MBD5: variants seen among roughly 807,000 people sequenced by gnomAD.
MBD5 encodes the protein methyl-CpG-binding domain protein 5.
Under a neutral mutation model 117.3 loss-of-function variants are expected in MBD5, and 13 were observed. The ratio of observed to expected loss-of-function variants is 0.11; its 90% CI spans 0.07 to 0.18. The LOEUF (loss-of-function observed/expected upper bound fraction) is 0.18, where lower values mean the gene tolerates loss of function less well. MBD5 is among the 10% of genes least tolerant of loss of function. The pLI, the probability that MBD5 is intolerant of heterozygous loss-of-function variation, is 1.00. For missense variants in MBD5, 1,879 were observed against 2,093.8 expected (o/e 0.90, Z 2.00); for synonymous variants, 727 against 766.4 (o/e 0.95, Z 0.85).
At chr2:148,465,135 C>T (rs991817106) in intron 7 of MBD5, among the ~76,000 whole-genome samples, 1 of 152,092 alleles carries the variant, frequency 6.6e-6, no homozygotes, top group Non-Finnish European at 1.5e-5. Context: ...CGATGTTCCT[C>T]AGTTTGGATT....
At chr2:148,234,630 T>C (rs574394618) in intron 3 of MBD5, among the ~76,000 whole-genome samples, 1 of 152,304 alleles carries the variant, frequency 6.6e-6, no homozygotes, top group East Asian at 1.9e-4. Context: ...ATCCACTGGC[T>C]GTTTTCTGGC....
rs1452238869 is a variant in MBD5, at chr2:148,469,126, A to G, written c.1183A>G (p.Ser395Gly). ...VHSQVPMMNV[S>G]MPPAVVPLPS... is the part of the protein sequence containing the mutation. ...CTCTCAGGTACCTATGATGAATGTAAGCATGCCTCCTGCTGTTGTTCCTTT... is the reference window on the plus strand; with the variant it reads ...CTCTCAGGTACCTATGATGAATGTAGGCATGCCTCCTGCTGTTGTTCCTTT... Residue 395 changes from serine (S) to glycine (G), a missense_variant, in exon 8 of 14, where the codon AGC (serine) becomes GGC (glycine). Transcript: ENST00000642680. 2.5e-6 allele frequency: 4 copies of G among 1,614,086 alleles called. No homozygotes were observed. Among genetic ancestry groups the G allele is most frequent in the Non-Finnish European group, 3.4e-6 (4 of 1,179,998 alleles).
Position 148,117,715 on chromosome 2 carries a change from TTAAG to T in MBD5, c.-924-60982_-924-60979del, listed in dbSNP as rs1299064007. Among the ~76,000 whole-genome samples the T allele has an allele frequency of 3.3e-5, 5 of 152,228 alleles. No individual in the cohort carries two copies. In the East Asian group the frequency reaches 9.6e-4, roughly 29 times the overall value. On this transcript the variant is annotated intron_variant, in intron 1 of 13. Transcript: ENST00000642680. The stretch of plus-strand genomic sequence containing the variant: ...ATCAAAATTATCATTATTATGTTTA[TTAAG>T]TATTTAACTGCATGGCAGACAATAA...
At position 148,489,928 on chromosome 2, in the gene MBD5, G is replaced by A. The variant is rs746043647; in HGVS notation, c.4296G>A (p.Gly1432=). Residue 1432 remains glycine, a synonymous_variant, in exon 11 of 14, where the codon GGG becomes GGA. Transcript: ENST00000642680. ...SCHTSKKQWD[G]EQSPRGERNR... is the part of the protein sequence containing the mutation. The stretch of plus-strand genomic sequence containing the variant: ...ACACATCCAAAAAACAGTGGGACGG[G>A]GAGCAAAGCCCCAGAGGGGAGCGAA... 2.5e-6 allele frequency: 4 copies of A among 1,613,908 alleles called. No individual in the cohort carries two copies. The highest frequency in any genetic ancestry group is 1.7e-5 in the Admixed American group (1 of 59,984).
intron 4 of MBD5, among the ~76,000 whole-genome samples, chr2:148,390,381 T>G (rs1704530179): frequency 6.6e-6 from 1 of 151,724 alleles, no homozygotes; most frequent in Non-Finnish European, 1.5e-5. Flanking sequence ...TGCAGTCACT[T>G]TAGGGGTTAG....
intron 8 of MBD5, chr2:148,470,679 G>T (rs948629402): frequency 3.8e-6 from 2 of 531,662 alleles, no homozygotes; most frequent in Admixed American, 3.6e-5. Flanking sequence ...TCCATTATTT[G>T]TTGTCAATCT....
intron 2 of MBD5, among the ~76,000 whole-genome samples, chr2:148,201,159 C>T (rs182418389): frequency 3.3e-5 from 5 of 152,344 alleles, no homozygotes; most frequent in African/African-American, 1.2e-4. Context: ...GCTTGCCCCC[C>T]AGCATGGATC....
intron 1 of MBD5, chr2:148,026,717 G>A (rs1217383122): frequency 6.6e-6 from 1 of 152,210 alleles, no homozygotes; most frequent in African/African-American, 2.4e-5. Context: ...GAGGCTAGTA[G>A]TTCAGGGTCA....
At chr2:148,431,903 A>C (rs1317157798) in intron 4 of MBD5, among the ~76,000 whole-genome samples, 1 of 152,166 alleles carries the variant, frequency 6.6e-6, no homozygotes, top group Admixed American at 6.6e-5. Context: ...TATACCCCAA[A>C]ATGGAATTGC....
At chr2:148,030,590 G>T (rs1403099602) in intron 1 of MBD5, among the ~76,000 whole-genome samples, 7 of 152,110 alleles carry the variant, frequency 4.6e-5, no homozygotes, top group Non-Finnish European at 1.5e-5. Flanking sequence ...AAAAAATCTG[G>T]AAGATAGGTA....
At chr2:148,424,431 A>G (rs1176618304) in intron 4 of MBD5, among the ~76,000 whole-genome samples, 1 of 151,910 alleles carries the variant, frequency 6.6e-6, no homozygotes, top group Non-Finnish European at 1.5e-5. Flanking sequence ...ACACAATAAT[A>G]GTGGGAGACT....
intron 4 of MBD5, among the ~76,000 whole-genome samples, chr2:148,436,089 C>T (rs966298186): frequency 1.3e-5 from 2 of 152,160 alleles, no homozygotes; most frequent in Non-Finnish European, 2.9e-5. Context: ...TACCTATAGA[C>T]CAGCAATGTT....
intron 1 of MBD5, among the ~76,000 whole-genome samples, chr2:148,031,164 T>C (rs1694027457): frequency 6.6e-6 from 1 of 152,224 alleles, no homozygotes; most frequent in Non-Finnish European, 1.5e-5. Flanking sequence ...AGTATAATCA[T>C]GTAATATTTT....
At chr2:148,326,781 T>C (rs1438281387) in intron 3 of MBD5, among the ~76,000 whole-genome samples, 219 of 144,950 alleles carry the variant, frequency 1.5e-3, no homozygotes, top group South Asian at 3.4e-3. Flanking sequence ...GGGTCTTGAC[T>C]CTTTATCCAA....
intron 11 of MBD5, among the ~76,000 whole-genome samples, chr2:148,500,056 A>T (rs1479800914): frequency 1.3e-5 from 2 of 152,140 alleles, no homozygotes; most frequent in African/African-American, 4.8e-5. Flanking sequence ...TTTATAAATA[A>T]TATAGTTCAT....
intron 1 of MBD5, among the ~76,000 whole-genome samples, chr2:148,080,756 AATT>A (rs1695628442): frequency 6.6e-6 from 1 of 152,168 alleles, no homozygotes; most frequent in Non-Finnish European, 1.5e-5. Flanking sequence ...AGGTATTTGA[AATT>A]ATTATATATT....
intron 2 of MBD5, among the ~76,000 whole-genome samples, chr2:148,228,327 T>C (rs566706301): frequency 1.4e-3 from 206 of 152,354 alleles, no homozygotes; most frequent in African/African-American, 4.7e-3. Flanking sequence ...TGAAGCATTG[T>C]TGAATTTTGT....
chr2:148,446,162 T>G (rs1323783868), intron 4 of MBD5, among the ~76,000 whole-genome samples: 1 of 151,660 alleles, frequency 6.6e-6, no homozygotes, highest in Non-Finnish European at 1.5e-5. Flanking sequence ...CTATTTTGGC[T>G]TTTGTTGCCA....
At chr2:148,443,034 A>G (rs1706375471) in intron 4 of MBD5, among the ~76,000 whole-genome samples, 1 of 151,478 alleles carries the variant, frequency 6.6e-6, no homozygotes, top group Non-Finnish European at 1.5e-5. Context: ...AAGGAGCTCA[A>G]ACAGCTCTAT....
Sources: allele counts gnomAD v4.1 joint callset (sites outside exome capture counted in the v4.1 genomes callset), GRCh38; gene constraint gnomAD v4.1.1; transcripts MANE v1.5; gene names NCBI Gene and HGNC (gene_info 2026-07-23, HGNC 2026-07-21).